The following DOK6 variants were observed in gnomAD, a reference collection of about 807,000 sequenced individuals.
DOK6 encodes docking protein 6, also known as downstream of tyrosine kinase 6.
A neutral mutation model predicts 44.0 loss-of-function variants in DOK6; 22 were observed. That is an observed-to-expected ratio of 0.50 (90% CI 0.36 to 0.71). The LOEUF (loss-of-function observed/expected upper bound fraction) is 0.71, where lower values mean the gene tolerates loss of function less well. Among genes scored for constraint, DOK6 ranks in the 30% least tolerant of loss-of-function variants. The probability of loss-of-function intolerance (pLI) is 0.00; values close to 1 mark genes in which losing one functional copy is unlikely to be tolerated. For missense variants in DOK6, 340 were observed against 416.4 expected (o/e 0.82, Z 1.60); for synonymous variants, 166 against 145.5 (o/e 1.14, Z -1.01).
At chr18:69,739,845 T>C (rs994994707) in intron 6 of DOK6, among the ~76,000 whole-genome samples, 1 of 152,208 alleles carries the variant, frequency 6.6e-6, no homozygotes, top group African/African-American at 2.4e-5. Context: ...GGACAGGTAG[T>C]GTTTGGGAAG....
chr18:69,782,602 C>A (rs1040828342), intron 7 of DOK6, among the ~76,000 whole-genome samples: 2 of 151,418 alleles, frequency 1.3e-5, no homozygotes, highest in African/African-American at 4.8e-5. Context: ...AGTTGTGTTT[C>A]ATTAAACTCT....
intron 7 of DOK6, among the ~76,000 whole-genome samples, chr18:69,812,798 A>T (rs1981281083): frequency 6.6e-6 from 1 of 152,136 alleles, no homozygotes; most frequent in South Asian, 2.1e-4. Flanking sequence ...CACCTTCTTC[A>T]CAAGGGCAGC....
chr18:69,649,137 C>A (rs1163822295), intron 3 of DOK6, among the ~76,000 whole-genome samples: 1 of 152,210 alleles, frequency 6.6e-6, no homozygotes, highest in African/African-American at 2.4e-5. Context: ...CACACGCAAA[C>A]CTGAGGCAGG....
chr18:69,773,280 T>C (rs1979941959), intron 7 of DOK6, among the ~76,000 whole-genome samples: 1 of 151,924 alleles, frequency 6.6e-6, no homozygotes, highest in African/African-American at 2.4e-5. Context: ...GAAAACAGTA[T>C]GAAGATTCCC....
At chr18:69,587,985 A>G (rs1983544793) in intron 2 of DOK6, among the ~76,000 whole-genome samples, 1 of 152,096 alleles carries the variant, frequency 6.6e-6, no homozygotes, top group African/African-American at 2.4e-5. Context: ...AGTCTCTTTT[A>G]TAGTTGAATT....
intron 1 of DOK6, among the ~76,000 whole-genome samples, chr18:69,511,593 A>C (rs1981366098): frequency 6.6e-6 from 1 of 152,200 alleles, no homozygotes; most frequent in African/African-American, 2.4e-5. Flanking sequence ...ATACCACAGG[A>C]GATAGTAGCA....
chr18:69,763,173 A>G (rs1304591866), intron 7 of DOK6, among the ~76,000 whole-genome samples: 11 of 152,178 alleles, frequency 7.2e-5, no homozygotes, highest in Non-Finnish European at 8.8e-5. Context: ...TAACAAGCAC[A>G]TGTTGTACGA....
chr18:69,814,678 A>G (rs1467683530), intron 7 of DOK6, among the ~76,000 whole-genome samples: 2 of 152,152 alleles, frequency 1.3e-5, no homozygotes, highest in Non-Finnish European at 2.9e-5. Context: ...GAAGCAAGGC[A>G]TGTCTTCTCA....
At chr18:69,749,336 G>A (rs1979091669) in intron 6 of DOK6, among the ~76,000 whole-genome samples, 1 of 151,982 alleles carries the variant, frequency 6.6e-6, no homozygotes, top group African/African-American at 2.4e-5. Flanking sequence ...AGGAACATAG[G>A]CAGTTTCTGA....
intron 1 of DOK6, among the ~76,000 whole-genome samples, chr18:69,505,917 C>CA (rs34197020): frequency 0.28 from 41,403 of 148,462 alleles, 6,472 homozygotes; most frequent in East Asian, 0.57. Flanking sequence ...AAAACTTCCT[C>CA]AAAAAAAAAA....
intron 7 of DOK6, among the ~76,000 whole-genome samples, chr18:69,794,017 A>G (rs1980673357): frequency 6.6e-6 from 1 of 152,206 alleles, no homozygotes; most frequent in South Asian, 2.1e-4. Context: ...CATCCCTGAC[A>G]GAATTATGAA....
At chr18:69,737,586 AT>A (rs1978653039) in intron 5 of DOK6, among the ~76,000 whole-genome samples, 2 of 152,194 alleles carry the variant, frequency 1.3e-5, no homozygotes, top group Admixed American at 1.3e-4. Context: ...TATGACCTTC[AT>A]CTAGGCTTAG....
At chr18:69,740,297 C>T (rs551299814) in intron 6 of DOK6, among the ~76,000 whole-genome samples, 4 of 152,110 alleles carry the variant, frequency 2.6e-5, no homozygotes, top group Non-Finnish European at 4.4e-5. Context: ...ATCTAATCAA[C>T]GTGATGTTTT....
At chr18:69,436,111 A>C (rs1364774906) in intron 1 of DOK6, among the ~76,000 whole-genome samples, 1 of 152,020 alleles carries the variant, frequency 6.6e-6, no homozygotes, top group Non-Finnish European at 1.5e-5. Context: ...CTATGTGATA[A>C]ATCACCGCAG....
chr18:69,804,618 A>T (rs1166457002), intron 7 of DOK6, among the ~76,000 whole-genome samples: 1 of 152,188 alleles, frequency 6.6e-6, no homozygotes, highest in African/African-American at 2.4e-5. Context: ...ATTGTTATTT[A>T]TCTGTGTTTA....
intron 3 of DOK6, among the ~76,000 whole-genome samples, chr18:69,639,839 C>A (rs1599235687): frequency 6.6e-6 from 1 of 152,190 alleles, no homozygotes; most frequent in Non-Finnish European, 1.5e-5. Context: ...AGTATCTCTA[C>A]CCTATTATTT....
rs540591841 is a variant in DOK6, at chr18:69,553,742, A to G, written c.67-10745A>G. On this transcript the variant is annotated intron_variant, in intron 1 of 7. Coordinates refer to ENST00000382713, the MANE Select transcript of DOK6 (RefSeq NM_152721.6). ...ACTTACATACTCACTCCAGACTCCA[A>G]TTGAAAATCCAGTCATTTACTTATT... Among the ~76,000 whole-genome samples the G allele has an allele frequency of 1.6e-4, 24 of 152,304 alleles. No homozygotes were observed. In the South Asian group the frequency reaches 2.1e-3, roughly 13 times the overall value.
At chr18:69,450,094 G>A (rs1336506840) in intron 1 of DOK6, among the ~76,000 whole-genome samples, 3 of 130,710 alleles carry the variant, frequency 2.3e-5, no homozygotes, top group Admixed American at 8.4e-5. Context: ...AGAAGGCTTC[G>A]GACGATCAAA....
chr18:69,649,858 G>C (rs1305396543), intron 3 of DOK6, among the ~76,000 whole-genome samples: 1 of 152,116 alleles, frequency 6.6e-6, no homozygotes, highest in Admixed American at 6.5e-5. Context: ...CATAATTATT[G>C]AGATGGTAAG....
Sources: gnomAD v4.1 joint callset for allele counts (sites outside exome capture counted in the v4.1 genomes callset) on GRCh38, gnomAD v4.1.1 for gene constraint, MANE v1.5 for transcripts, NCBI Gene and HGNC (gene_info 2026-07-23, HGNC 2026-07-21) for gene names.